IPPK: variants seen among roughly 807,000 people sequenced by gnomAD.
IPPK encodes the protein inositol-pentakisphosphate 2-kinase.
A neutral mutation model predicts 64.6 loss-of-function variants in IPPK; 22 were observed. The observed-to-expected ratio is 0.34, with a 90% CI of 0.24 to 0.49. The LOEUF (loss-of-function observed/expected upper bound fraction) is 0.49. Ranked by LOEUF, IPPK falls within the 20% of genes least tolerant of loss-of-function variation. The probability of loss-of-function intolerance (pLI) is 0.99; values close to 1 mark genes in which losing one functional copy is unlikely to be tolerated. For synonymous variants in IPPK, 262 were observed against 247.2 expected (o/e 1.06, Z -0.56); for missense variants, 532 against 630.7 (o/e 0.84, Z 1.68).
Position 92,669,939 on chromosome 9 carries a change from C to G in IPPK, c.50G>C (p.Gly17Ala). The G allele has an allele frequency of 6.2e-7, 1 of 1,613,250 alleles. No homozygotes were observed. Among genetic ancestry groups the G allele is most frequent in the Non-Finnish European group, 8.5e-7 (1 of 1,179,570 alleles). Residue 17 changes from glycine to alanine, a missense_variant, in exon 1 of 13, where the codon GGC becomes GCC. Gly to Ala is a moderately conservative substitution (Grantham distance 60, BLOSUM62 0). Transcript: ENST00000287996. ...DENEWGYHGE[G>A]NKSLVVAHAQ... ...GTGGGCCACCACCAGGCTCTTATTG[C>G]CCTCTCCGTGGTACCCCCATTCATT...
chr9:92,659,669 A>G (rs1852442235), intron 1 of IPPK, among the ~76,000 whole-genome samples: 1 of 152,134 alleles, frequency 6.6e-6, no homozygotes. Flanking sequence ...AGCAGGAGGG[A>G]GGAAGCAGGC....
chr9:92,618,613 CTT>C (rs1421633499), intron 12 of IPPK: 2 of 455,248 alleles, frequency 4.4e-6, no homozygotes, highest in Non-Finnish European at 8.9e-6. Flanking sequence ...TTCCTCATAA[CTT>C]AGCCCTGTAG....
At chr9:92,617,185 C>T (rs1447850504) in intron 12 of IPPK, 1 of 152,224 alleles carries the variant, frequency 6.6e-6, no homozygotes, top group Non-Finnish European at 1.5e-5. Context: ...CAGCTCATCC[C>T]AAGGGGCCAC....
intron 11 of IPPK, among the ~76,000 whole-genome samples, chr9:92,621,377 G>A (rs964019319): frequency 6.6e-6 from 1 of 151,822 alleles, no homozygotes; most frequent in Non-Finnish European, 1.5e-5. Flanking sequence ...TGAAAACATA[G>A]ATAAAACAAA....
intron 1 of IPPK, among the ~76,000 whole-genome samples, chr9:92,669,456 CA>C (rs960718887): frequency 6.6e-6 from 1 of 152,236 alleles, no homozygotes; most frequent in African/African-American, 2.4e-5. Context: ...CTGAGAGTAA[CA>C]GCACTGTGGG....
intron 6 of IPPK, among the ~76,000 whole-genome samples, chr9:92,644,423 AGGGCAG>A (rs1264743520): frequency 3.3e-5 from 5 of 152,152 alleles, no homozygotes; most frequent in Non-Finnish European, 4.4e-5. Context: ...GACGCAGATG[AGGGCAG>A]GACATCTCCA....
chr9:92,627,769 T>G (rs1851759917), intron 11 of IPPK, among the ~76,000 whole-genome samples: 1 of 152,156 alleles, frequency 6.6e-6, no homozygotes, highest in Non-Finnish European at 1.5e-5. Flanking sequence ...CTGAACACTG[T>G]CCCCATAAGA....
chr9:92,619,633 TC>T, intron 11 of IPPK, 68 bp from the exon 12 acceptor site: 1 of 1,369,068 alleles, frequency 7.3e-7, no homozygotes, highest in Non-Finnish European at 1.0e-6. Context: ...CAACCTTCCT[TC>T]CCAGTAGCCA....
At chr9:92,655,394 C>T (rs548388533) in intron 3 of IPPK, among the ~76,000 whole-genome samples, 3 of 152,256 alleles carry the variant, frequency 2.0e-5, no homozygotes, top group East Asian at 3.9e-4. Context: ...TTCACTTTGT[C>T]GGTATCTTAA....
intron 12 of IPPK, 101 bp downstream of exon 12, chr9:92,619,385 G>C: frequency 1.1e-6 from 1 of 923,562 alleles, no homozygotes; most frequent in African/African-American, 1.6e-5. Flanking sequence ...CCGCCATGGA[G>C]TCTCTAAATA....
At chr9:92,622,451 A>G (rs539202105) in intron 11 of IPPK, among the ~76,000 whole-genome samples, 52 of 152,310 alleles carry the variant, frequency 3.4e-4, no homozygotes, top group African/African-American at 1.1e-3. Context: ...TGATGTATGC[A>G]AAGTCAAAAT....
At position 92,652,574 on chromosome 9, in the gene IPPK, T is replaced by C; in HGVS notation, c.291A>G (p.Pro97=). 6.5e-7 allele frequency: 1 copy of C among 1,533,558 alleles called. No individual in the cohort carries two copies. Among genetic ancestry groups the C allele is most frequent in the Non-Finnish European group, 8.9e-7 (1 of 1,118,600 alleles). The allele number at this position is 1,533,558 out of a possible 1,614,324, so 95.0% of individuals were successfully genotyped here. The change falls in exon 4 of 13, where the codon CCA becomes CCG. Residue 97 remains proline (P), a splice_region_variant and synonymous_variant. Transcript: ENST00000287996. The stretch of plus-strand genomic sequence containing the variant: ...TATCTGTAAGTTAAACACCCTTACC[T>C]GGTCTTTCAGATTGTATCTTTAAAC... ...QLCLKIQSER[P]ESRCDKDLDT...
intron 6 of IPPK, among the ~76,000 whole-genome samples, chr9:92,647,340 A>G (rs1316855838): frequency 6.6e-6 from 1 of 152,226 alleles, no homozygotes; most frequent in African/African-American, 2.4e-5. Context: ...AAACATTTCA[A>G]GAAGAATCAA....
At chr9:92,657,698 T>C (rs1348689032) in intron 2 of IPPK, among the ~76,000 whole-genome samples, 1 of 152,140 alleles carries the variant, frequency 6.6e-6, no homozygotes, top group Admixed American at 6.5e-5. Context: ...CGCAAGACAG[T>C]GGGGCCTTCC....
intron 11 of IPPK, among the ~76,000 whole-genome samples, chr9:92,631,815 G>C (rs1851850916): frequency 6.6e-6 from 1 of 152,194 alleles, no homozygotes; most frequent in Admixed American, 6.5e-5. Context: ...GTAGGTTCAT[G>C]CATCCACCAC....
chr9:92,652,564 C>A lies in IPPK; in HGVS notation c.292+9G>T. ...TTACAAACAATATCTGTAAGTTAAACACCCTTACCTGGTCTTTCAGATTGT... is the reference window on the plus strand; with the variant it reads ...TTACAAACAATATCTGTAAGTTAAAAACCCTTACCTGGTCTTTCAGATTGT... On this transcript the variant is annotated intron_variant, in intron 4 of 12. Transcript: ENST00000287996. 3 of 1,455,160 alleles carry A rather than the reference C, an allele frequency of 2.1e-6. No homozygotes were observed. The highest frequency in any genetic ancestry group is 1.9e-6 in the Non-Finnish European group (2 of 1,064,958). The allele number at this position is 1,455,160 out of a possible 1,614,324, so 90.1% of individuals were successfully genotyped here. A position where few individuals can be genotyped will look rare whatever the true frequency, so the allele number is the denominator to read the frequency against.
At chr9:92,664,615 T>C (rs1182118592) in intron 1 of IPPK, among the ~76,000 whole-genome samples, 1 of 152,156 alleles carries the variant, frequency 6.6e-6, no homozygotes, top group Non-Finnish European at 1.5e-5. Context: ...GGCTGACCCC[T>C]ATAGGCATGG....
intron 3 of IPPK, 35 bp downstream of exon 3, chr9:92,656,421 G>T: frequency 1.4e-6 from 2 of 1,392,868 alleles, no homozygotes; most frequent in Non-Finnish European, 2.0e-6. Flanking sequence ...TGCAAAACAT[G>T]CCCAAGAATT....
intron 11 of IPPK, among the ~76,000 whole-genome samples, chr9:92,632,735 G>T: frequency 6.6e-6 from 1 of 152,280 alleles, no homozygotes; most frequent in East Asian, 1.9e-4. Flanking sequence ...GGCCCTTTGC[G>T]TCAGAGCCTC....
Sources: allele counts gnomAD v4.1 joint callset (sites outside exome capture counted in the v4.1 genomes callset), GRCh38; gene constraint gnomAD v4.1.1; transcripts MANE v1.5; gene names NCBI Gene and HGNC (gene_info 2026-07-23, HGNC 2026-07-21).